Variants in PLEKHD1 observed in about 807,000 individuals in gnomAD.
The protein encoded by PLEKHD1 is pleckstrin homology and coiled-coil domain containing D1.
PLEKHD1 carries 51 observed loss-of-function variants against 69.2 expected under a neutral mutation model. The observed-to-expected ratio is 0.74, with a 90% CI of 0.59 to 0.93. The LOEUF (loss-of-function observed/expected upper bound fraction) is 0.93. Among genes scored for constraint, PLEKHD1 ranks in the 40% least tolerant of loss-of-function variants. The probability of loss-of-function intolerance (pLI) is 0.00; values close to 1 mark genes in which losing one functional copy is unlikely to be tolerated. For missense variants in PLEKHD1, 584 were observed against 641.0 expected, an observed-to-expected ratio of 0.91 and a Z score of 0.96; for synonymous variants, 236 against 244.7, an observed-to-expected ratio of 0.96 and a Z score of 0.33.
the PLEKHD1 span, among the ~76,000 whole-genome samples, chr14:69,467,785 T>C: frequency 6.6e-6 from 1 of 151,928 alleles, no homozygotes; most frequent in African/African-American, 2.4e-5. Flanking sequence ...AAGGTGGGGA[T>C]TTGGGGGAGA....
In PLEKHD1 at chr14:69,527,176, C is replaced by T; in HGVS notation, c.1057-12C>T. 1 of 1,528,848 alleles carries T rather than the reference C, an allele frequency of 6.5e-7. No individual in the cohort carries two copies. Among genetic ancestry groups the T allele is most frequent in the South Asian group, 1.3e-5 (1 of 79,706 alleles). The allele number at this position is 1,528,848 out of a possible 1,614,324, so 94.7% of individuals were successfully genotyped here. On this transcript the variant is annotated splice_polypyrimidine_tract_variant and intron_variant, in intron 10 of 12. Transcript: ENST00000322564. Reference sequence around the variant, plus strand: ...CCTGACTTCCTTCTCATTTCCCTCTCCTCAACCTCAGGCTGAGGTGAAGGT... The same window carrying T: ...CCTGACTTCCTTCTCATTTCCCTCTTCTCAACCTCAGGCTGAGGTGAAGGT...
chr14:69,475,444 G>A, the PLEKHD1 span, among the ~76,000 whole-genome samples: 3 of 152,208 alleles, frequency 2.0e-5, no homozygotes, highest in Non-Finnish European at 4.4e-5. Flanking sequence ...CAGGCTGACA[G>A]GGTGGCATGG....
chr14:69,471,989 A>C, the PLEKHD1 span, among the ~76,000 whole-genome samples: 2 of 152,226 alleles, frequency 1.3e-5, no homozygotes, highest in African/African-American at 2.4e-5. Flanking sequence ...AATGGTGAGA[A>C]AATGTTTCAC....
At chr14:69,477,543 T>C in the PLEKHD1 span, among the ~76,000 whole-genome samples, 30 of 152,228 alleles carry the variant, frequency 2.0e-4, no homozygotes, top group Admixed American at 1.8e-3. Flanking sequence ...CTTCCACTTA[T>C]GAGCCTGTAA....
chr14:69,471,323 CT>C, the PLEKHD1 span, among the ~76,000 whole-genome samples: 4 of 151,810 alleles, frequency 2.6e-5, no homozygotes, highest in African/African-American at 9.7e-5. Context: ...GTCGCCTAGG[CT>C]GATCTCAAAC....
intron 6 of PLEKHD1, among the ~76,000 whole-genome samples, chr14:69,520,450 A>C (rs1437294046): frequency 6.6e-6 from 1 of 152,194 alleles, no homozygotes; most frequent in East Asian, 1.9e-4. Flanking sequence ...TTATTTCATC[A>C]AAGAGGGATT....
intron 6 of PLEKHD1, among the ~76,000 whole-genome samples, chr14:69,512,069 T>A (rs1331058765): frequency 1.3e-5 from 2 of 152,240 alleles, no homozygotes; most frequent in African/African-American, 2.4e-5. Flanking sequence ...TTCAATTTAT[T>A]TAATAGATAT....
intron 3 of PLEKHD1, 28 bp from the exon 4 acceptor site, chr14:69,500,843 G>T: frequency 1.3e-6 from 2 of 1,551,300 alleles, no homozygotes; most frequent in East Asian, 2.4e-5. Context: ...TGCCTCTCAG[G>T]CATGCGCATG....
chr14:69,503,153 G>A, intron 6 of PLEKHD1: 1 of 468,508 alleles, frequency 2.1e-6, no homozygotes, highest in Non-Finnish European at 3.9e-6. Flanking sequence ...GTCATCAGCT[G>A]CATCAGTTGG....
intron 6 of PLEKHD1, among the ~76,000 whole-genome samples, chr14:69,518,711 G>A (rs1883441667): frequency 6.6e-6 from 1 of 152,160 alleles, no homozygotes; most frequent in Admixed American, 6.5e-5. Context: ...CTTGAGGACA[G>A]AATTGCTCTT....
At chr14:69,504,197 T>C (rs1329926566) in intron 6 of PLEKHD1, among the ~76,000 whole-genome samples, 1 of 152,242 alleles carries the variant, frequency 6.6e-6, no homozygotes, top group Non-Finnish European at 1.5e-5. Flanking sequence ...AGCATTATGA[T>C]CGTATTATTA....
intron 6 of PLEKHD1, among the ~76,000 whole-genome samples, chr14:69,509,680 G>A (rs1241516053): frequency 6.6e-6 from 1 of 152,150 alleles, no homozygotes; most frequent in Non-Finnish European, 1.5e-5. Context: ...GCTCATGCCT[G>A]TAATCCCAGC....
At chr14:69,479,587 G>C in the PLEKHD1 span, among the ~76,000 whole-genome samples, 1 of 151,946 alleles carries the variant, frequency 6.6e-6, no homozygotes, top group Admixed American at 6.6e-5. Context: ...CAGGAGGATC[G>C]CTTGAGCCTA....
At position 69,527,910 on chromosome 14, in the gene PLEKHD1, G is replaced by C; in HGVS notation, c.1329G>C (p.Arg443=). 6.4e-7 allele frequency: 1 copy of C among 1,551,574 alleles called. No individual in the cohort carries two copies. Among genetic ancestry groups the C allele is most frequent in the Non-Finnish European group, 8.7e-7 (1 of 1,146,994 alleles). The part of the protein sequence containing the change: ...RIKSCRFHRR[R]SSTSWNDMKP... ...AGAGCTGCCGCTTCCACCGACGCCG[G>C]TCCAGCACCTCCTGGAATGACAGTG... Residue 443 remains arginine (R), a synonymous_variant, in exon 12 of 13, where the codon CGG becomes CGC. Coordinates refer to ENST00000322564, the MANE Select transcript of PLEKHD1 (RefSeq NM_001161498.2).
chr14:69,492,413 T>C (rs1035493241), intron 1 of PLEKHD1, among the ~76,000 whole-genome samples: 1 of 152,220 alleles, frequency 6.6e-6, no homozygotes, highest in Non-Finnish European at 1.5e-5. Context: ...AAACTTACAA[T>C]GTTGCAATAT....
chr14:69,522,891 T>A (rs1883551360), intron 7 of PLEKHD1, among the ~76,000 whole-genome samples: 1 of 152,010 alleles, frequency 6.6e-6, no homozygotes, highest in Non-Finnish European at 1.5e-5. Context: ...TATATACATG[T>A]ATATATCTAT....
At chr14:69,471,142 T>C in the PLEKHD1 span, among the ~76,000 whole-genome samples, 1 of 128,444 alleles carries the variant, frequency 7.8e-6, no homozygotes, top group Non-Finnish European at 1.6e-5. Flanking sequence ...GGTCTTGCTC[T>C]GTTCCCCAGG....
intron 7 of PLEKHD1, 45 bp from the exon 8 acceptor site, chr14:69,524,184 G>T (rs775820138): frequency 2.3e-4 from 332 of 1,422,128 alleles, no homozygotes; most frequent in Non-Finnish European, 3.1e-4. Flanking sequence ...TTGGTGGGGG[G>T]TGGGGAGAGT....
At position 69,514,743 on chromosome 14, in the gene PLEKHD1, C is replaced by A. The variant is rs369226434; in HGVS notation, c.556-7540C>A. 2.0e-5 allele frequency among the ~76,000 whole-genome samples: 3 copies of A among 151,952 alleles called. No homozygotes were observed. In the East Asian group the frequency reaches 5.8e-4, roughly 29 times the overall value. On this transcript the variant is annotated intron_variant, in intron 6 of 12. Coordinates refer to ENST00000322564, the MANE Select transcript of PLEKHD1 (RefSeq NM_001161498.2). ...GTGGTCTTAGCCTTTTGGTGAGTTG[C>A]GCCCCTGGACTGTGAACTTCATAAA...
Sources: allele counts gnomAD v4.1 joint callset (sites outside exome capture counted in the v4.1 genomes callset), GRCh38; gene constraint gnomAD v4.1.1; transcripts MANE v1.5; gene names NCBI Gene and HGNC (gene_info 2026-07-23, HGNC 2026-07-21).